ADAM19: variants seen among roughly 807,000 people sequenced by gnomAD.
ADAM19 encodes ADAM metallopeptidase domain 19.
In ADAM19, 65 loss-of-function variants were observed where a neutral mutation model predicts 114.7. That is an observed-to-expected ratio of 0.57 (90% confidence interval 0.46 to 0.70). ADAM19 has a LOEUF of 0.70. Ranked by LOEUF, ADAM19 falls within the 30% of genes least tolerant of loss-of-function variation. The pLI, the probability that ADAM19 is intolerant of heterozygous loss-of-function variation, is 0.00. For missense variants in ADAM19, 1,063 were observed against 1,204.7 expected, an observed-to-expected ratio of 0.88 and a Z score of 1.74; for synonymous variants, 466 against 460.5, an observed-to-expected ratio of 1.01 and a Z score of -0.15.
At chr5:157,566,889 C>G (rs1757679949) in intron 2 of ADAM19, among the ~76,000 whole-genome samples, 1 of 152,160 alleles carries the variant, frequency 6.6e-6, no homozygotes, top group Non-Finnish European at 1.5e-5. Context: ...CAAAGCTGAT[C>G]TTGAACTCCT....
chr5:157,485,930 C>G (rs1249521179), intron 21 of ADAM19, among the ~76,000 whole-genome samples: 1 of 152,232 alleles, frequency 6.6e-6, no homozygotes, highest in Admixed American at 6.5e-5. Flanking sequence ...ACTGCCCCAG[C>G]AGAATGTGAG....
At chr5:157,575,565 G>C in intron 1 of ADAM19, 38 bp downstream of exon 1, 1 of 1,416,930 alleles carries the variant, frequency 7.1e-7, no homozygotes, top group Non-Finnish European at 9.2e-7. Flanking sequence ...AGGTCTCCGG[G>C]CCACCCAGCC....
At chr5:157,511,676 C>T (rs1185121724) in intron 8 of ADAM19, among the ~76,000 whole-genome samples, 1 of 152,118 alleles carries the variant, frequency 6.6e-6, no homozygotes, top group African/African-American at 2.4e-5. Context: ...TACAGAAAAA[C>T]ATTTTGGATT....
Position 157,509,582 on chromosome 5 carries a change from A to G in ADAM19, c.739-115T>C, listed in dbSNP as rs149973030. The G allele has an allele frequency of 2.1e-4, 178 of 843,336 alleles. 1 individual carries two copies. In the East Asian group the frequency reaches 5.7e-3, roughly 27 times the overall value. 52.2% of individuals were successfully genotyped at this position (843,336 alleles called of 1,614,324 possible). ...AAAAGAAAAAAACTAAAACTAAAAA[A>G]TAAAAATAAATTTAAAAAAAAAGCT... is the stretch of plus-strand genomic sequence containing the variant. On this transcript the variant is annotated intron_variant, in intron 8 of 22. Transcript: ENST00000257527.
At chr5:157,520,168 T>C in intron 5 of ADAM19, 137 bp from the exon 6 acceptor site, 1 of 778,716 alleles carries the variant, frequency 1.3e-6, no homozygotes, top group South Asian at 1.9e-5. Context: ...TATGGGGCCA[T>C]GTACCCCTTC....
chr5:157,492,643 TCGA>T (rs888530420), intron 16 of ADAM19, among the ~76,000 whole-genome samples: 14 of 152,316 alleles, frequency 9.2e-5, no homozygotes, highest in South Asian at 4.1e-4. Flanking sequence ...ATTATCAGAA[TCGA>T]CTCTGGAGGA....
intron 3 of ADAM19, among the ~76,000 whole-genome samples, chr5:157,561,924 A>T (rs1757519437): frequency 6.6e-6 from 1 of 151,172 alleles, no homozygotes; most frequent in South Asian, 2.1e-4. Flanking sequence ...AGGCACGTAG[A>T]TTAAAAAAAA....
chr5:157,530,213 G>A (rs991511205), intron 5 of ADAM19, among the ~76,000 whole-genome samples: 4 of 127,184 alleles, frequency 3.1e-5, no homozygotes, highest in African/African-American at 1.3e-4. Context: ...CCATACCCTA[G>A]CCATTTATTT....
chr5:157,502,451 G>A (rs1030738154), intron 12 of ADAM19, among the ~76,000 whole-genome samples: 4 of 152,176 alleles, frequency 2.6e-5, no homozygotes, highest in Non-Finnish European at 2.9e-5. Flanking sequence ...CCATATATCT[G>A]GCTGTGTGGC....
At chr5:157,523,981 C>T (rs951910903) in intron 5 of ADAM19, among the ~76,000 whole-genome samples, 39 of 152,242 alleles carry the variant, frequency 2.6e-4, no homozygotes, top group Admixed American at 2.4e-3. Context: ...GTGGCCACTT[C>T]CCTCCCTTCC....
intron 4 of ADAM19, among the ~76,000 whole-genome samples, chr5:157,533,421 C>T (rs1756677908): frequency 6.6e-6 from 1 of 152,172 alleles, no homozygotes; most frequent in Non-Finnish European, 1.5e-5. Flanking sequence ...CTTTCAAATG[C>T]CAGCCTGTCA....
At chr5:157,565,581 C>A (rs1363900730) in intron 2 of ADAM19, among the ~76,000 whole-genome samples, 2 of 151,930 alleles carry the variant, frequency 1.3e-5, no homozygotes, top group South Asian at 4.1e-4. Flanking sequence ...TGGTGGTGGG[C>A]ACCTGTGATC....
chr5:157,518,914 T>C (rs775824790), intron 6 of ADAM19, 26 bp from the exon 7 acceptor site: 2 of 1,603,318 alleles, frequency 1.2e-6, no homozygotes, highest in South Asian at 1.1e-5. Context: ...AGATCAGCGC[T>C]GTAGAAATAG....
chr5:157,526,395 CA>C (rs374140781), intron 5 of ADAM19, among the ~76,000 whole-genome samples: 11 of 151,696 alleles, frequency 7.3e-5, no homozygotes, highest in African/African-American at 2.2e-4. Flanking sequence ...TAATTTTTAA[CA>C]AAAAAAAATT....
intron 5 of ADAM19, among the ~76,000 whole-genome samples, chr5:157,529,862 C>T (rs577494835): frequency 6.6e-6 from 1 of 152,220 alleles, no homozygotes; most frequent in Non-Finnish European, 1.5e-5. Flanking sequence ...CTCTCAAAAG[C>T]ACATTCTGGT....
chr5:157,514,628 T>C (rs995579389), intron 7 of ADAM19, among the ~76,000 whole-genome samples: 1 of 152,162 alleles, frequency 6.6e-6, no homozygotes, highest in African/African-American at 2.4e-5. Flanking sequence ...CGCCTGGCCG[T>C]AATCAGACAT....
At chr5:157,513,924 T>C (rs1049209135) in intron 7 of ADAM19, among the ~76,000 whole-genome samples, 1 of 152,234 alleles carries the variant, frequency 6.6e-6, no homozygotes, top group Admixed American at 6.5e-5. Flanking sequence ...CTTCCCTACA[T>C]GTGGTCAATC....
At chr5:157,566,926 C>A (rs1757680566) in intron 2 of ADAM19, among the ~76,000 whole-genome samples, 1 of 152,196 alleles carries the variant, frequency 6.6e-6, no homozygotes, top group African/African-American at 2.4e-5. Flanking sequence ...CCCAACTCAG[C>A]CTCCCAAAGT....
In ADAM19 at chr5:157,547,863, C is replaced by G. The variant is rs190183923; in HGVS notation, c.252-9872G>C. Among the ~76,000 whole-genome samples the G allele has an allele frequency of 1.1e-4, 17 of 152,288 alleles. No individual in the cohort carries two copies. In the East Asian group the frequency reaches 1.5e-3, roughly 14 times the overall value. Reference sequence around the variant, plus strand: ...TTCTCAAATGCGTTTTGGATGCTGTCACTATGTGACTTTTAAAATATTCTT... The same window carrying G: ...TTCTCAAATGCGTTTTGGATGCTGTGACTATGTGACTTTTAAAATATTCTT... On this transcript the variant is annotated intron_variant, in intron 3 of 22. Coordinates refer to ENST00000257527, the MANE Select transcript of ADAM19 (RefSeq NM_033274.5).
Sources: gnomAD v4.1 joint callset for allele counts (sites outside exome capture counted in the v4.1 genomes callset) on GRCh38, gnomAD v4.1.1 for gene constraint, MANE v1.5 for transcripts, NCBI Gene and HGNC (gene_info 2026-07-23, HGNC 2026-07-21) for gene names.